The following NSMAF variants were observed in gnomAD, a reference collection of about 807,000 sequenced individuals.
NSMAF encodes the protein protein FAN.
In NSMAF, 90 loss-of-function variants were observed where a neutral mutation model predicts 134.9. That is an observed-to-expected ratio of 0.67 (90% CI 0.56 to 0.79). The LOEUF is 0.79. Ranked by LOEUF, NSMAF falls within the 30% of genes least tolerant of loss-of-function variation. The pLI, the probability that NSMAF is intolerant of heterozygous loss-of-function variation, is 0.00. For synonymous variants in NSMAF, 358 were observed against 389.6 expected, an observed-to-expected ratio of 0.92 and a Z score of 0.96; for missense variants, 1,010 against 1,119.0, an observed-to-expected ratio of 0.90 and a Z score of 1.39.
chr8:58,603,104 A>C, intron 13 of NSMAF, 106 bp downstream of exon 13: 4 of 1,106,260 alleles, frequency 3.6e-6, no homozygotes, highest in Non-Finnish European at 5.3e-6. Context: ...TAATTTGTTC[A>C]CATGTCACAT....
chr8:58,598,490 C>CAAAAAAAAAAAAAAAAAAAAAGAAAAAA (rs1806191023), intron 19 of NSMAF, among the ~76,000 whole-genome samples: 1 of 125,952 alleles, frequency 7.9e-6, no homozygotes. Flanking sequence ...CTGTCTCAAA[C>CAAAAAAAAAAAAAAAAAAAAAGAAAAAA]AAAAAAAAAA....
intron 30 of NSMAF, among the ~76,000 whole-genome samples, chr8:58,584,863 T>C (rs1225740136): frequency 1.3e-5 from 2 of 152,164 alleles, no homozygotes; most frequent in Non-Finnish European, 2.9e-5. Flanking sequence ...GGTCTCAAAC[T>C]CTTGACCTCC....
intron 6 of NSMAF, among the ~76,000 whole-genome samples, chr8:58,628,811 G>C (rs979523965): frequency 2.0e-5 from 3 of 151,996 alleles, no homozygotes; most frequent in African/African-American, 4.8e-5. Context: ...AGTGTTCTTT[G>C]TTGGCAGGCA....
intron 16 of NSMAF, among the ~76,000 whole-genome samples, chr8:58,600,774 C>A (rs2129141041): frequency 7.0e-6 from 1 of 143,334 alleles, no homozygotes; most frequent in South Asian, 2.3e-4. Context: ...TGGTGGGATA[C>A]CAAGTAAACT....
intron 9 of NSMAF, among the ~76,000 whole-genome samples, chr8:58,615,651 T>A (rs942252976): frequency 1.3e-5 from 2 of 151,998 alleles, no homozygotes; most frequent in African/African-American, 2.4e-5. Context: ...AAAAAACATA[T>A]CAAAATCTGC....
At chr8:58,618,873 A>G (rs1335174798) in intron 9 of NSMAF, among the ~76,000 whole-genome samples, 1 of 152,208 alleles carries the variant, frequency 6.6e-6, no homozygotes, top group African/African-American at 2.4e-5. Flanking sequence ...TCTTCTAGAG[A>G]AAGTATACAA....
chr8:58,600,407 G>C (rs1033139054), intron 16 of NSMAF, among the ~76,000 whole-genome samples: 1 of 151,938 alleles, frequency 6.6e-6, no homozygotes, highest in African/African-American at 2.4e-5. Context: ...GGTGGATCAC[G>C]AAGTCAGGAG....
chr8:58,599,548 T>A, intron 18 of NSMAF, 185 bp from the exon 19 acceptor site: 1 of 896,110 alleles, frequency 1.1e-6, no homozygotes, highest in Non-Finnish European at 1.6e-6. Context: ...AGAATCATTT[T>A]CACATTAAGG....
At chr8:58,653,561 A>T (rs1237928583) in intron 1 of NSMAF, among the ~76,000 whole-genome samples, 1 of 152,072 alleles carries the variant, frequency 6.6e-6, no homozygotes, top group Non-Finnish European at 1.5e-5. Flanking sequence ...AAATAGAAAA[A>T]AAATTACTAG....
intron 1 of NSMAF, among the ~76,000 whole-genome samples, chr8:58,647,707 G>C (rs947524974): frequency 5.9e-5 from 9 of 152,256 alleles, no homozygotes; most frequent in African/African-American, 2.2e-4. Flanking sequence ...TTCTGCCATA[G>C]TAAAAGCTCC....
In NSMAF at chr8:58,606,021, A is replaced by G. The variant is rs1411584076; in HGVS notation, c.774T>C (p.Phe258=). ...HGLMPLGLEV[F]CTEDDLCSDI... ...CGGAACACAGATCATCTTCTGTGCAAAATACTTCCAAGCCCTATAAATTCA... is the reference window on the plus strand; with the variant it reads ...CGGAACACAGATCATCTTCTGTGCAGAATACTTCCAAGCCCTATAAATTCA... Residue 258 remains phenylalanine, a synonymous_variant, in exon 12 of 31, where the codon TTT becomes TTC. Transcript: ENST00000038176. The G allele has an allele frequency of 1.9e-6, 3 of 1,589,768 alleles. No individual in the cohort carries two copies. The highest frequency in any genetic ancestry group is 2.6e-6 in the Non-Finnish European group (3 of 1,172,042).
In NSMAF at chr8:58,635,439, G is replaced by A. The variant is rs1223571409; in HGVS notation, c.228+29C>T. The A allele has an allele frequency of 1.9e-6, 3 of 1,565,380 alleles. No individual in the cohort carries two copies. In the African/African-American group the frequency reaches 4.1e-5, roughly 21 times the overall value. ...TAAGACATACACAAAAAATAGGAAT[G>A]TTTCTGTTCATATTTAAAATGTATT... On this transcript the variant is annotated intron_variant, in intron 3 of 30. Transcript: ENST00000038176.
At chr8:58,603,860 A>G (rs966012953) in intron 12 of NSMAF, among the ~76,000 whole-genome samples, 3 of 152,184 alleles carry the variant, frequency 2.0e-5, no homozygotes, top group East Asian at 1.9e-4. Context: ...CAATGACTAC[A>G]TATTATTTAT....
Position 58,635,463 on chromosome 8 carries a change from T to G in NSMAF, c.228+5A>C, listed in dbSNP as rs921225258. ...TGTTTCTGTTCATATTTAAAATGTA[T>G]TTACCTTGATGATGGGCTGGGATAT... On this transcript the variant is annotated splice_donor_5th_base_variant and intron_variant, in intron 3 of 30. Transcript: ENST00000038176. 1.5e-5 allele frequency: 24 copies of G among 1,595,214 alleles called. No homozygotes were observed. The highest frequency in any genetic ancestry group is 2.0e-5 in the Non-Finnish European group (23 of 1,170,570).
chr8:58,590,108 T>A (rs1425460936), intron 24 of NSMAF, 34 bp from the exon 25 acceptor site: 22 of 1,550,030 alleles, frequency 1.4e-5, no homozygotes, highest in Non-Finnish European at 1.8e-5. Context: ...TAACAATCTA[T>A]AATAATTAGT....
chr8:58,608,674 T>C (rs1719236406), intron 10 of NSMAF, among the ~76,000 whole-genome samples: 1 of 152,178 alleles, frequency 6.6e-6, no homozygotes, highest in Non-Finnish European at 1.5e-5. Flanking sequence ...GCCAAGCCAA[T>C]TTTTTACACT....
intron 2 of NSMAF, among the ~76,000 whole-genome samples, chr8:58,641,917 A>G (rs1174317024): frequency 1.3e-5 from 2 of 152,214 alleles, no homozygotes; most frequent in Non-Finnish European, 2.9e-5. Flanking sequence ...TTAATAATAA[A>G]CAAGTACATT....
chr8:58,585,619 ACAAAG>A (rs1450697247), intron 30 of NSMAF, 28 bp downstream of exon 30: 1 of 1,456,654 alleles, frequency 6.9e-7, no homozygotes. Flanking sequence ...TATCTTGAGA[ACAAAG>A]ATCAAGGCAA....
In NSMAF at chr8:58,585,879, A is replaced by C. The variant is rs1400608359; in HGVS notation, c.2549+19T>G. On this transcript the variant is annotated intron_variant, in intron 29 of 30. Transcript: ENST00000038176. Reference sequence around the variant, plus strand: ...CATGTCTGTAAATGTCTTCGCCCCCAGTAACTCACAAACTATACCTCTGGG... The same window carrying C: ...CATGTCTGTAAATGTCTTCGCCCCCCGTAACTCACAAACTATACCTCTGGG... 8.1e-6 allele frequency: 13 copies of C among 1,605,338 alleles called. No homozygotes were observed. In the East Asian group the frequency reaches 2.7e-4, roughly 33 times the overall value.
Sources: allele counts gnomAD v4.1 joint callset (sites outside exome capture counted in the v4.1 genomes callset), GRCh38; gene constraint gnomAD v4.1.1; transcripts MANE v1.5; gene names NCBI Gene and HGNC (gene_info 2026-07-23, HGNC 2026-07-21).